The following CAMK1D variants were observed in gnomAD, a reference collection of about 807,000 sequenced individuals.
CAMK1D encodes calcium/calmodulin dependent protein kinase ID, also known as calcium/calmodulin-dependent protein kinase type 1D.
In CAMK1D, 9 loss-of-function variants were observed where a neutral mutation model predicts 47.7. The observed-to-expected ratio is 0.19, with a 90% CI of 0.11 to 0.33. The LOEUF is 0.33. Ranked by LOEUF, CAMK1D falls within the 10% of genes least tolerant of loss-of-function variation. CAMK1D has a pLI of 1.00. For synonymous variants in CAMK1D, 184 were observed against 184.9 expected, an observed-to-expected ratio of 0.99 and a Z score of 0.04; for missense variants, 291 against 488.7, an observed-to-expected ratio of 0.60 and a Z score of 3.81.
chr10:12,694,374 A>AAT (rs1833146788), intron 3 of CAMK1D, among the ~76,000 whole-genome samples: 2 of 68,962 alleles, frequency 2.9e-5, no homozygotes, highest in African/African-American at 5.9e-5. Context: ...TTATATATAA[A>AAT]ATATAAAATA....
intron 5 of CAMK1D, among the ~76,000 whole-genome samples, chr10:12,785,679 T>C (rs1332621706): frequency 6.6e-6 from 1 of 152,144 alleles, no homozygotes; most frequent in Non-Finnish European, 1.5e-5. Flanking sequence ...TTTTTTGGAA[T>C]TACAGCAGAG....
intron 1 of CAMK1D, among the ~76,000 whole-genome samples, chr10:12,449,328 C>T (rs531073490): frequency 1.4e-4 from 22 of 152,128 alleles, no homozygotes; most frequent in Non-Finnish European, 2.1e-4. Context: ...TGTAGCTGCT[C>T]CCGTGTTGAG....
At chr10:12,568,644 T>G (rs1384894164) in intron 2 of CAMK1D, among the ~76,000 whole-genome samples, 1 of 151,396 alleles carries the variant, frequency 6.6e-6, no homozygotes, top group Non-Finnish European at 1.5e-5. Context: ...TGTTTTGTTT[T>G]GAGTGCTTCT....
chr10:12,482,895 G>A (rs1435211929), intron 1 of CAMK1D, among the ~76,000 whole-genome samples: 5 of 152,304 alleles, frequency 3.3e-5, no homozygotes, highest in East Asian at 3.9e-4. Context: ...TAACATTGCC[G>A]CTGCCGCTGT....
chr10:12,470,991 T>C (rs960045653), intron 1 of CAMK1D, among the ~76,000 whole-genome samples: 2 of 152,216 alleles, frequency 1.3e-5, no homozygotes, highest in Admixed American at 1.3e-4. Flanking sequence ...TTCTTTTTGT[T>C]AGAGCCGCTT....
chr10:12,547,782 C>T (rs1253701339), intron 1 of CAMK1D, among the ~76,000 whole-genome samples: 1 of 152,000 alleles, frequency 6.6e-6, no homozygotes, highest in East Asian at 1.9e-4. Context: ...ATTAAATTTC[C>T]TGGAACAGGG....
chr10:12,453,325 G>A (rs1297923701), intron 1 of CAMK1D, among the ~76,000 whole-genome samples: 2 of 151,944 alleles, frequency 1.3e-5, no homozygotes, highest in African/African-American at 4.8e-5. Context: ...GAGTAGCTGG[G>A]ATTACAGGCG....
At chr10:12,820,853 A>G (rs1256617409) in intron 8 of CAMK1D, among the ~76,000 whole-genome samples, 1 of 152,110 alleles carries the variant, frequency 6.6e-6, no homozygotes, top group Admixed American at 6.5e-5. Flanking sequence ...CTGCCGACTG[A>G]TGGCCACAGT....
chr10:12,414,491 G>A lies in CAMK1D; in HGVS notation c.92+64581G>A, dbSNP rs189772787. Among the ~76,000 whole-genome samples the A allele has an allele frequency of 1.1e-3, 162 of 152,292 alleles. 1 individual carries two copies. Among genetic ancestry groups the A allele is most frequent in the African/African-American group, 3.7e-3 (152 of 41,584 alleles). On this transcript the variant is annotated intron_variant, in intron 1 of 10. Transcript: ENST00000619168. ...TTTCTGATCTGCCATGTTATCTGTC[G>A]TGTCTGAATTTCTCATAGTCAGTGG...
intron 2 of CAMK1D, among the ~76,000 whole-genome samples, chr10:12,614,299 C>T (rs1229596939): frequency 6.6e-6 from 1 of 152,348 alleles, no homozygotes; most frequent in East Asian, 1.9e-4. Flanking sequence ...TTGGTGTTGT[C>T]ATTATGCCCT....
chr10:12,818,283 T>A (rs923483389), intron 8 of CAMK1D, among the ~76,000 whole-genome samples: 2 of 152,218 alleles, frequency 1.3e-5, no homozygotes, highest in African/African-American at 4.8e-5. Flanking sequence ...GTCTCTATTA[T>A]ATTCCAGCAC....
chr10:12,390,941 T>C (rs540765494), intron 1 of CAMK1D, among the ~76,000 whole-genome samples: 10 of 152,028 alleles, frequency 6.6e-5, no homozygotes, highest in Non-Finnish European at 1.5e-4. Context: ...ATGAATCAAC[T>C]TGATGAGATT....
chr10:12,353,977 AG>A (rs2131830818), intron 1 of CAMK1D, among the ~76,000 whole-genome samples: 1 of 152,158 alleles, frequency 6.6e-6, no homozygotes, highest in African/African-American at 2.4e-5. Flanking sequence ...TATGGATGGG[AG>A]GAAAGCTTCG....
chr10:12,561,561 C>A (rs938106719), intron 2 of CAMK1D, among the ~76,000 whole-genome samples: 1 of 152,148 alleles, frequency 6.6e-6, no homozygotes, highest in Non-Finnish European at 1.5e-5. Context: ...GCTGAACTTT[C>A]CCCTAAGTCC....
At chr10:12,352,755 G>C (rs1323479246) in intron 1 of CAMK1D, among the ~76,000 whole-genome samples, 1 of 86,274 alleles carries the variant, frequency 1.2e-5, no homozygotes, top group African/African-American at 4.1e-5. Flanking sequence ...TTTTTTTTTT[G>C]AGACGGAGTC....
chr10:12,814,041 G>C (rs1321931837), intron 6 of CAMK1D, among the ~76,000 whole-genome samples, 154 bp from the exon 7 acceptor site: 1 of 150,552 alleles, frequency 6.6e-6, no homozygotes, highest in South Asian at 2.1e-4. Flanking sequence ...TGCCCGCCTT[G>C]GCCTCCCAAA....
At chr10:12,459,633 A>G (rs1833365559) in intron 1 of CAMK1D, among the ~76,000 whole-genome samples, 1 of 151,972 alleles carries the variant, frequency 6.6e-6, no homozygotes, top group African/African-American at 2.4e-5. Flanking sequence ...TTTGAAACAT[A>G]TTTGTCTTGT....
At chr10:12,515,430 C>A (rs7910360) in intron 1 of CAMK1D, among the ~76,000 whole-genome samples, 24,230 of 90,156 alleles carry the variant, frequency 0.27, 2,752 homozygotes, top group South Asian at 0.36. Context: ...TTTTTTTTTT[C>A]ATTATACTTT....
chr10:12,673,180 C>T (rs1011539419), intron 3 of CAMK1D, among the ~76,000 whole-genome samples: 15 of 151,968 alleles, frequency 9.9e-5, no homozygotes, highest in East Asian at 3.8e-4. Flanking sequence ...CCACCGTGCC[C>T]GGCTGCCTTT....
Sources: gnomAD v4.1 joint callset for allele counts (sites outside exome capture counted in the v4.1 genomes callset) on GRCh38, gnomAD v4.1.1 for gene constraint, MANE v1.5 for transcripts, NCBI Gene and HGNC (gene_info 2026-07-23, HGNC 2026-07-21) for gene names.